The following EPB41L2 variants were observed in gnomAD, a reference collection of about 807,000 sequenced individuals.
EPB41L2 encodes the protein erythrocyte membrane protein band 4.1 like 2.
Under a neutral mutation model 113.0 loss-of-function variants are expected in EPB41L2, and 43 were observed. That is an observed-to-expected ratio of 0.38 (90% CI 0.30 to 0.49). The LOEUF (loss-of-function observed/expected upper bound fraction) is 0.49, where lower values mean the gene tolerates loss of function less well. Ranked by LOEUF, EPB41L2 falls within the 20% of genes least tolerant of loss-of-function variation. EPB41L2 has a pLI of 0.95. For missense variants in EPB41L2, 1,147 were observed against 1,223.4 expected (o/e 0.94, Z 0.93); for synonymous variants, 442 against 436.7 (o/e 1.01, Z -0.15).
At chr6:130,842,394 A>C (rs995850312) in intron 19 of EPB41L2, among the ~76,000 whole-genome samples, 2 of 152,180 alleles carry the variant, frequency 1.3e-5, no homozygotes, top group African/African-American at 4.8e-5. Context: ...TACAATTACC[A>C]ATCAAATTGG....
chr6:131,042,794 C>T (rs1005111421), intron 1 of EPB41L2, among the ~76,000 whole-genome samples: 2 of 152,140 alleles, frequency 1.3e-5, no homozygotes, highest in African/African-American at 4.8e-5. Flanking sequence ...CTCACTTGAA[C>T]GGAAAACCTG....
intron 19 of EPB41L2, among the ~76,000 whole-genome samples, chr6:130,849,475 G>C (rs1384346356): frequency 6.6e-6 from 1 of 152,104 alleles, no homozygotes; most frequent in Non-Finnish European, 1.5e-5. Flanking sequence ...AATCTGAAAA[G>C]ATTAGTTACT....
At chr6:131,006,031 C>T (rs1448100555) in intron 1 of EPB41L2, among the ~76,000 whole-genome samples, 2 of 151,926 alleles carry the variant, frequency 1.3e-5, no homozygotes, top group Non-Finnish European at 2.9e-5. Context: ...AAAAGAAGTC[C>T]TTCTTGTTGT....
intron 3 of EPB41L2, among the ~76,000 whole-genome samples, chr6:130,951,004 C>T (rs1814715180): frequency 6.6e-6 from 1 of 151,938 alleles, no homozygotes; most frequent in Non-Finnish European, 1.5e-5. Flanking sequence ...TTAAAAATTT[C>T]AGAGTGATCA....
At chr6:131,034,795 C>G (rs1219325913) in intron 1 of EPB41L2, among the ~76,000 whole-genome samples, 4 of 152,174 alleles carry the variant, frequency 2.6e-5, no homozygotes, top group Non-Finnish European at 5.9e-5. Context: ...TGGGTTCATT[C>G]CCATATTCCT....
chr6:130,859,685 T>C (rs1171166065), intron 18 of EPB41L2, among the ~76,000 whole-genome samples: 4 of 151,736 alleles, frequency 2.6e-5, no homozygotes, highest in Non-Finnish European at 5.9e-5. Flanking sequence ...TGATAGTTTC[T>C]GTCAGCTGTA....
intron 3 of EPB41L2, among the ~76,000 whole-genome samples, chr6:130,952,612 A>G (rs2128613299): frequency 6.6e-6 from 1 of 152,282 alleles, no homozygotes; most frequent in Non-Finnish European, 1.5e-5. Context: ...CAGGTGATCG[A>G]GACCATCCTG....
chr6:131,038,995 A>G (rs938623213), intron 1 of EPB41L2, among the ~76,000 whole-genome samples: 1 of 152,208 alleles, frequency 6.6e-6, no homozygotes, highest in African/African-American at 2.4e-5. Flanking sequence ...TTTAAGTGTC[A>G]GACAGTGACT....
chr6:130,854,290 C>A (rs999706665), intron 19 of EPB41L2, among the ~76,000 whole-genome samples: 1 of 139,446 alleles, frequency 7.2e-6, no homozygotes, highest in Non-Finnish European at 1.7e-5. Flanking sequence ...ATCCTCAATA[C>A]CCAGCCCTAC....
At position 130,839,673 on chromosome 6, in the gene EPB41L2, A is replaced by G. The variant is rs889302274; in HGVS notation, c.*931T>C. The G allele has an allele frequency of 2.6e-5, 4 of 152,250 alleles. No individual in the cohort carries two copies. The highest frequency in any genetic ancestry group is 9.6e-5 in the African/African-American group (4 of 41,460). 9.4% of individuals were successfully genotyped at this position (152,250 alleles called of 1,614,324 possible). A position where few individuals can be genotyped will look rare whatever the true frequency, so the allele number is the denominator to read the frequency against. On this transcript the variant is annotated 3_prime_UTR_variant, in exon 20 of 20. Transcript: ENST00000337057. ...AAAGGTAAGTTTTACATGTGTAGAC[A>G]AAGAGGTTTAATACAAAGCAAGAGT... is the stretch of plus-strand genomic sequence containing the variant.
At chr6:131,051,503 G>T (rs1796551363) in intron 1 of EPB41L2, among the ~76,000 whole-genome samples, 1 of 151,162 alleles carries the variant, frequency 6.6e-6, no homozygotes, top group African/African-American at 2.4e-5. Flanking sequence ...ACAATGGGAG[G>T]GGTCAGGCCA....
At chr6:130,991,163 C>T (rs1430539089) in intron 1 of EPB41L2, among the ~76,000 whole-genome samples, 1 of 152,108 alleles carries the variant, frequency 6.6e-6, no homozygotes, top group Non-Finnish European at 1.5e-5. Context: ...CTTGGAAACA[C>T]CAGTAGTTCT....
intron 1 of EPB41L2, among the ~76,000 whole-genome samples, chr6:130,997,245 T>C (rs372669054): frequency 2.6e-5 from 4 of 152,216 alleles, no homozygotes; most frequent in East Asian, 3.8e-4. Context: ...CAGTTCTTCA[T>C]ACAAGGATTA....
chr6:130,898,140 C>T (rs896691523), intron 8 of EPB41L2, among the ~76,000 whole-genome samples: 3 of 150,352 alleles, frequency 2.0e-5, no homozygotes, highest in African/African-American at 7.3e-5. Context: ...ATTAAGAATG[C>T]TTATTTCTGC....
chr6:130,854,256 C>T (rs1779590775), intron 19 of EPB41L2, among the ~76,000 whole-genome samples: 1 of 151,058 alleles, frequency 6.6e-6, no homozygotes, highest in Admixed American at 6.6e-5. Context: ...GGAGGGGGAC[C>T]ATGTTTGCTT....
At chr6:130,874,049 T>C (rs1421042024) in intron 14 of EPB41L2, among the ~76,000 whole-genome samples, 1 of 152,140 alleles carries the variant, frequency 6.6e-6, no homozygotes, top group East Asian at 1.9e-4. Flanking sequence ...TCCAATGACA[T>C]ACCTTCAAAA....
intron 1 of EPB41L2, among the ~76,000 whole-genome samples, chr6:130,998,342 C>T (rs1479011148): frequency 2.0e-5 from 3 of 152,040 alleles, no homozygotes; most frequent in African/African-American, 4.8e-5. Flanking sequence ...TAACACCATA[C>T]AAAAATGGAG....
rs539249715 is a variant in EPB41L2, at chr6:130,935,697, A to G, written c.706-8988T>C. ...ATATCAACCTTTTAATATCTCATTCATAACTACACACGAATTTATTTCTTA... is the reference window on the plus strand; with the variant it reads ...ATATCAACCTTTTAATATCTCATTCGTAACTACACACGAATTTATTTCTTA... On this transcript the variant is annotated intron_variant, in intron 3 of 19. Transcript: ENST00000337057. 1.2e-4 allele frequency among the ~76,000 whole-genome samples: 18 copies of G among 152,348 alleles called. 1 individual carries two copies. The highest frequency in any genetic ancestry group is 4.3e-4 in the African/African-American group (18 of 41,582).
chr6:130,995,401 G>A (rs747450380), intron 1 of EPB41L2, among the ~76,000 whole-genome samples: 2 of 152,230 alleles, frequency 1.3e-5, no homozygotes, highest in African/African-American at 2.4e-5. Flanking sequence ...CACTCTGGGA[G>A]GCCTAGGCAG....
Sources: gnomAD v4.1 joint callset for allele counts (sites outside exome capture counted in the v4.1 genomes callset) on GRCh38, gnomAD v4.1.1 for gene constraint, MANE v1.5 for transcripts, NCBI Gene and HGNC (gene_info 2026-07-23, HGNC 2026-07-21) for gene names.